The following SLCO1B3 variants were observed in gnomAD, a reference collection of about 807,000 sequenced individuals.
SLCO1B3 encodes liver-specific organic anion transporter 2.
A neutral mutation model predicts 71.8 loss-of-function variants in SLCO1B3; 72 were observed. The observed-to-expected ratio is 1.00, with a 90% CI of 0.83 to 1.22. The LOEUF (loss-of-function observed/expected upper bound fraction) is 1.22, where lower values mean the gene tolerates loss of function less well. SLCO1B3 is among the 50% of genes most tolerant of loss of function. The pLI is 0.00. For missense variants in SLCO1B3, 911 were observed against 819.7 expected (o/e 1.11, Z -1.36); for synonymous variants, 298 against 278.4 (o/e 1.07, Z -0.70).
In SLCO1B3 at chr12:20,890,392, T is replaced by TA. The variant is rs746755039; in HGVS notation, c.1682+6798dup. Among the ~76,000 whole-genome samples the TA allele has an allele frequency of 4.6e-5, 7 of 152,290 alleles. No individual in the cohort carries two copies. The South Asian group carries it at 6.2e-4, about 14-fold the overall frequency. ...AGGTACTTGATATTATTTTGAGTTT[T>TA]AAAAAAAATCATTGAGTATTGCCTT... On this transcript the variant is annotated intron_variant, in intron 13 of 15. Coordinates refer to ENST00000381545, the MANE Select transcript of SLCO1B3 (RefSeq NM_019844.4).
chr12:20,879,814 C>T (rs955013465), intron 11 of SLCO1B3, among the ~76,000 whole-genome samples, 183 bp downstream of exon 11: 2 of 151,866 alleles, frequency 1.3e-5, no homozygotes, highest in Non-Finnish European at 2.9e-5. Flanking sequence ...TTATTCCTTC[C>T]TTAAGGAAAA....
chr12:20,894,090 G>T (rs563455310), intron 13 of SLCO1B3, among the ~76,000 whole-genome samples: 1 of 152,278 alleles, frequency 6.6e-6, no homozygotes, highest in African/African-American at 2.4e-5. Context: ...GAAACAGCAG[G>T]TCATGATGGT....
At chr12:20,909,330 T>G in intron 15 of SLCO1B3, among the ~76,000 whole-genome samples, 1 of 55,800 alleles carries the variant, frequency 1.8e-5, no homozygotes, top group East Asian at 7.1e-4. Flanking sequence ...CACGCCTGGC[T>G]AATTTTTTTT....
At chr12:20,866,803 A>G (rs577873682) in intron 8 of SLCO1B3, among the ~76,000 whole-genome samples, 2 of 152,164 alleles carry the variant, frequency 1.3e-5, no homozygotes, top group Admixed American at 1.3e-4. Context: ...GCAGGAAGGG[A>G]TAGGCTAACG....
intron 5 of SLCO1B3, among the ~76,000 whole-genome samples, chr12:20,859,768 T>C (rs1687548944): frequency 6.6e-6 from 1 of 152,118 alleles, no homozygotes; most frequent in South Asian, 2.1e-4. Flanking sequence ...CATTCTAGGC[T>C]TACAGTTCTC....
At chr12:20,833,313 G>A (rs1430588794) in intron 3 of SLCO1B3, among the ~76,000 whole-genome samples, 1 of 151,806 alleles carries the variant, frequency 6.6e-6, no homozygotes, top group Non-Finnish European at 1.5e-5. Flanking sequence ...AAGTTCTGGA[G>A]ATTAGGACCT....
At chr12:20,848,046 A>G (rs1864951334) in intron 3 of SLCO1B3, among the ~76,000 whole-genome samples, 1 of 152,112 alleles carries the variant, frequency 6.6e-6, no homozygotes, top group Non-Finnish European at 1.5e-5. Context: ...CATAGGATTA[A>G]TAACTAATTT....
intron 3 of SLCO1B3, among the ~76,000 whole-genome samples, chr12:20,834,461 G>GATTATATATGTATATATATTATAATATAT (rs1284185869): frequency 1.9e-4 from 27 of 145,382 alleles, no homozygotes; most frequent in Non-Finnish European, 1.5e-4. Context: ...GTAGGGTAAT[G>GATTATATATGTATATATATTATAATATAT]ATTATATATG....
intron 3 of SLCO1B3, among the ~76,000 whole-genome samples, chr12:20,826,669 C>T (rs1864429399): frequency 8.0e-6 from 1 of 124,854 alleles, no homozygotes. Flanking sequence ...TCTTAAATAA[C>T]CAGTCATTTT....
rs532591794 is a variant in SLCO1B3 at position 20,826,530 on chromosome 12, C to G, written c.84+10708C>G. Among the ~76,000 whole-genome samples, 591 of 151,674 alleles carry G rather than the reference C, an allele frequency of 3.9e-3. 4 individuals carry two copies. Among genetic ancestry groups the G allele is most frequent in the Non-Finnish European group, 6.0e-3 (405 of 67,856 alleles). On this transcript the variant is annotated intron_variant, in intron 3 of 15. Coordinates refer to ENST00000381545, the MANE Select transcript of SLCO1B3 (RefSeq NM_019844.4). ...GGAATGACTATTATAAATAATTTCC[C>G]TTTAATTATAGCAAACTTGATCACT...
intron 3 of SLCO1B3, among the ~76,000 whole-genome samples, chr12:20,834,984 T>G (rs1864645807): frequency 6.6e-6 from 1 of 152,176 alleles, no homozygotes; most frequent in Non-Finnish European, 1.5e-5. Context: ...ATCCAAGCAT[T>G]TCTATACATC....
chr12:20,834,284 G>GAA (rs1864622564), intron 3 of SLCO1B3, among the ~76,000 whole-genome samples: 1 of 103,090 alleles, frequency 9.7e-6, no homozygotes, highest in Non-Finnish European at 2.2e-5. Context: ...TATACATGGA[G>GAA]AATATATATA....
chr12:20,814,325 G>A (rs1196266677), intron 2 of SLCO1B3, among the ~76,000 whole-genome samples: 2 of 151,946 alleles, frequency 1.3e-5, no homozygotes, highest in African/African-American at 4.8e-5. Context: ...AACTTCACTT[G>A]TAGGAATTTA....
intron 3 of SLCO1B3, among the ~76,000 whole-genome samples, chr12:20,822,479 A>G (rs533238615): frequency 1.3e-5 from 2 of 152,182 alleles, no homozygotes; most frequent in South Asian, 2.1e-4. Context: ...AACAAATCAC[A>G]ATGGTGGAAT....
At chr12:20,833,566 A>G (rs1276008334) in intron 3 of SLCO1B3, among the ~76,000 whole-genome samples, 1 of 148,658 alleles carries the variant, frequency 6.7e-6, no homozygotes, top group Non-Finnish European at 1.5e-5. Flanking sequence ...TGTTTACTAT[A>G]TATACATGAA....
At chr12:20,815,617 A>G (rs911492821) in intron 2 of SLCO1B3, 57 bp from the exon 3 acceptor site, 6 of 643,960 alleles carry the variant, frequency 9.3e-6, no homozygotes, top group African/African-American at 5.5e-5. Flanking sequence ...GGCTTTTCCT[A>G]TTTTTAAATT....
rs78862986 is a variant in SLCO1B3, at chr12:20,915,981, C to T, written c.1866-23C>T. Reference sequence around the variant, plus strand: ...TTTACACATTTAAAATAATAATCGACTCTCTATTTTCTCTTTTCACAGAAG... The same window carrying T: ...TTTACACATTTAAAATAATAATCGATTCTCTATTTTCTCTTTTCACAGAAG... On this transcript the variant is annotated intron_variant, in intron 15 of 15. Transcript: ENST00000381545. The T allele has an allele frequency of 5.6e-3, 8,681 of 1,544,480 alleles. 292 individuals carry two copies. In the East Asian group the frequency reaches 0.087, roughly 16 times the overall value.
In SLCO1B3 at chr12:20,881,026, T is replaced by A; in HGVS notation, c.1497+6T>A. On this transcript the variant is annotated splice_donor_region_variant and intron_variant, in intron 12 of 15. Transcript: ENST00000381545. ...GTGGTATTAAAAAGCATACAGTGAG[T>A]ATTAGTTTTCACTTTTTCTCCTCTC... The A allele has an allele frequency of 1.3e-6, 2 of 1,576,782 alleles. No individual in the cohort carries two copies. The highest frequency in any genetic ancestry group is 1.7e-6 in the Non-Finnish European group (2 of 1,161,770).
intron 13 of SLCO1B3, among the ~76,000 whole-genome samples, chr12:20,890,135 T>A (rs1394957917): frequency 6.6e-6 from 1 of 151,768 alleles, no homozygotes; most frequent in East Asian, 1.9e-4. Context: ...GCCAGGCTGG[T>A]CTCAAACTCC....
Sources: allele counts gnomAD v4.1 joint callset (sites outside exome capture counted in the v4.1 genomes callset), GRCh38; gene constraint gnomAD v4.1.1; transcripts MANE v1.5; gene names NCBI Gene and HGNC (gene_info 2026-07-23, HGNC 2026-07-21).